The following PFKFB3 variants were observed in gnomAD, a reference collection of about 807,000 sequenced individuals.
The protein encoded by PFKFB3 is 6-phosphofructo-2-kinase/fructose-2,6-biphosphatase 3.
PFKFB3 carries 33 observed loss-of-function variants against 68.0 expected under a neutral mutation model. The ratio of observed to expected loss-of-function variants is 0.49; its 90% CI spans 0.37 to 0.65. PFKFB3 has a LOEUF of 0.65. PFKFB3 is among the 30% of genes least tolerant of loss of function. PFKFB3 has a pLI of 0.00. For synonymous variants in PFKFB3, 315 were observed against 288.2 expected (o/e 1.09, Z -0.94); for missense variants, 586 against 712.2 (o/e 0.82, Z 2.02).
At position 6,229,638 on chromosome 10, in the gene PFKFB3, G is replaced by A. The variant is rs1247383571; in HGVS notation, c.1516-3257G>A. ...CAGGGCCAGTGTCTGTGATGCGCGG[G>A]GCCAGCGTGCAGTGCTTCAGGATCT... On this transcript the variant is annotated intron_variant, in intron 14 of 14. Transcript: ENST00000379775. The surrounding 1 kb of genome is among the most constrained non-coding windows in gnomAD (Gnocchi z 4.3). 6.6e-6 allele frequency among the ~76,000 whole-genome samples: 1 copy of A among 152,186 alleles called. No individual in the cohort carries two copies. Among genetic ancestry groups the A allele is most frequent in the East Asian group, 1.9e-4 (1 of 5,192 alleles).
the PFKFB3 span, among the ~76,000 whole-genome samples, chr10:6,308,921 A>C: frequency 6.6e-6 from 1 of 152,250 alleles, no homozygotes; most frequent in Non-Finnish European, 1.5e-5. Flanking sequence ...TTTATGAGAC[A>C]CACAAAGAAT....
At chr10:6,177,394 TTCTTTCTTTCTTTCTTCTTTCTCTTTC>T (rs1564599622) in intron 1 of PFKFB3, among the ~76,000 whole-genome samples, 1 of 138,278 alleles carries the variant, frequency 7.2e-6, no homozygotes, top group East Asian at 2.1e-4. Context: ...CTTTCTTTCT[TTCTTTCTTTCTTTCTTCTTTCTCTTTC>T]TTCCTTTCTT....
intron 1 of PFKFB3, among the ~76,000 whole-genome samples, chr10:6,213,377 G>T (rs558461492): frequency 1.3e-5 from 2 of 152,252 alleles, no homozygotes; most frequent in South Asian, 4.1e-4. Context: ...AATTAGCCAG[G>T]GATGGTGGTG....
rs74579715 is a variant in PFKFB3 at position 6,154,404 on chromosome 10, T to C, written c.16+9391T>C. Among the ~76,000 whole-genome samples the C allele has an allele frequency of 0.012, 1,785 of 152,116 alleles. 88 individuals are homozygous for C. Among genetic ancestry groups the C allele is most frequent in the Admixed American group, 0.079 (1,213 of 15,264 alleles). The stretch of plus-strand genomic sequence containing the variant: ...GGGATTACAGGTGCATGCTACCGCG[T>C]CCAGCTAATTTTTTTGTATTTTTAG... On this transcript the variant is annotated intron_variant, in intron 1 of 14. Coordinates refer to the PFKFB3 transcript ENST00000379789. This position sits in a 1 kb window ranked among gnomAD's most constrained non-coding sequence, Gnocchi z 4.6.
chr10:6,272,716 G>C, the PFKFB3 span, among the ~76,000 whole-genome samples: 1 of 151,916 alleles, frequency 6.6e-6, no homozygotes, highest in African/African-American at 2.4e-5. Flanking sequence ...AAAAGAAATA[G>C]GTCGACCTGG....
chr10:6,226,167 T>C (rs374883540), intron 13 of PFKFB3, 25 bp from the exon 14 acceptor site: 14 of 1,534,366 alleles, frequency 9.1e-6, no homozygotes, highest in South Asian at 6.0e-5. Flanking sequence ...GTCGCCTTTC[T>C]CTCTTTTGTC....
chr10:6,223,040 CGGG>C (rs1244304493), intron 11 of PFKFB3, 56 bp downstream of exon 11: 21 of 1,559,140 alleles, frequency 1.3e-5, no homozygotes, highest in Non-Finnish European at 1.7e-5. Flanking sequence ...TGGCACTCGG[CGGG>C]GGGTCAGCCG....
chr10:6,306,535 G>C, the PFKFB3 span, among the ~76,000 whole-genome samples: 1 of 152,164 alleles, frequency 6.6e-6, no homozygotes, highest in Non-Finnish European at 1.5e-5. Flanking sequence ...GCTGAAGTCA[G>C]GGTTGCTTTT....
In PFKFB3 at chr10:6,215,340, GGGCTGGGCTGTGGGAATAA is replaced by G. The variant is rs1445433334; in HGVS notation, c.299+32_299+50del. On this transcript the variant is annotated intron_variant, in intron 3 of 14. Transcript: ENST00000379775. This position sits in a 1 kb window ranked among gnomAD's most constrained non-coding sequence, Gnocchi z 4.3. ...GAAGTAAGGCTGGGCCGCGGGCGTA[GGGCTGGGCTGTGGGAATAA>G]GGCTGGGCCGCGGGCATAAGGCTGG... 2 of 1,581,076 alleles carry G rather than the reference GGGCTGGGCTGTGGGAATAA, an allele frequency of 1.3e-6. No homozygotes were observed. The highest frequency in any genetic ancestry group is 1.7e-6 in the Non-Finnish European group (2 of 1,151,088).
At chr10:6,161,979 C>A (rs1274479278) in intron 1 of PFKFB3, among the ~76,000 whole-genome samples, 1 of 152,136 alleles carries the variant, frequency 6.6e-6, no homozygotes, top group East Asian at 1.9e-4. Flanking sequence ...CCATCACCAC[C>A]AACCATCTCT....
the PFKFB3 span, among the ~76,000 whole-genome samples, chr10:6,323,347 G>A: frequency 2.6e-5 from 4 of 152,202 alleles, no homozygotes; most frequent in Non-Finnish European, 5.9e-5. Flanking sequence ...ATCTGAGGCC[G>A]AAGCCTCGAG....
intron 1 of PFKFB3, among the ~76,000 whole-genome samples, chr10:6,182,755 A>G (rs1218123284): frequency 6.6e-6 from 1 of 152,232 alleles, no homozygotes; most frequent in East Asian, 1.9e-4. Flanking sequence ...AGGACTGCCC[A>G]GTGCTTTCCT....
chr10:6,145,246 T>C (rs1335966902), intron 1 of PFKFB3, among the ~76,000 whole-genome samples: 3 of 151,414 alleles, frequency 2.0e-5, no homozygotes, highest in Admixed American at 1.3e-4. Flanking sequence ...CGGTCCTGCG[T>C]GTCCCCTCCG....
At chr10:6,174,150 T>C (rs974946213) in intron 1 of PFKFB3, among the ~76,000 whole-genome samples, 2 of 152,150 alleles carry the variant, frequency 1.3e-5, no homozygotes, top group Non-Finnish European at 2.9e-5. Context: ...TTTTTTCTGC[T>C]GACTTCTCTG....
chr10:6,288,826 T>C, the PFKFB3 span, among the ~76,000 whole-genome samples: 11 of 152,172 alleles, frequency 7.2e-5, no homozygotes, highest in Admixed American at 6.5e-5. Context: ...ACCAACAGTG[T>C]AAAAGTGTTC....
At chr10:6,225,605 G>C (rs1845287433) in intron 13 of PFKFB3, among the ~76,000 whole-genome samples, 1 of 152,230 alleles carries the variant, frequency 6.6e-6, no homozygotes, top group African/African-American at 2.4e-5. Flanking sequence ...CCTCTCATGG[G>C]AGGGCTGTGT....
At chr10:6,252,042 C>G (rs1185694101) in intron 14 of PFKFB3, among the ~76,000 whole-genome samples, 1 of 152,196 alleles carries the variant, frequency 6.6e-6, no homozygotes, top group Non-Finnish European at 1.5e-5. Context: ...GGGATAGATT[C>G]AAATTCATGC....
At position 6,215,136 on chromosome 10, in the gene PFKFB3, TC is replaced by T. The variant is rs924083904; in HGVS notation, c.203-83del. On this transcript the variant is annotated intron_variant, in intron 2 of 14. Transcript: ENST00000379775. This position sits in a 1 kb window ranked among gnomAD's most constrained non-coding sequence, Gnocchi z 4.3. The stretch of plus-strand genomic sequence containing the variant: ...TCGGTGTGGTTGGCCTGGTGGCTCT[TC>T]CTTTGGTCGATCCTATGGTCCCGGT... 16 of 1,183,588 alleles carry T rather than the reference TC, an allele frequency of 1.4e-5. No individual in the cohort carries two copies. The highest frequency in any genetic ancestry group is 2.0e-5 in the Non-Finnish European group (16 of 799,754). The allele number at this position is 1,183,588 out of a possible 1,614,324, so 73.3% of individuals were successfully genotyped here.
At chr10:6,182,373 CACAA>C (rs1842738362) in intron 1 of PFKFB3, among the ~76,000 whole-genome samples, 1 of 152,200 alleles carries the variant, frequency 6.6e-6, no homozygotes, top group Admixed American at 6.5e-5. Flanking sequence ...GCAGCAGTGT[CACAA>C]ACAAGTTGTC....
Sources: allele counts gnomAD v4.1 joint callset (sites outside exome capture counted in the v4.1 genomes callset), GRCh38; gene constraint gnomAD v4.1.1; non-coding constraint Gnocchi (gnomAD v3.1); transcripts MANE v1.5; gene names NCBI Gene and HGNC (gene_info 2026-07-23, HGNC 2026-07-21).